Variants in ADCY2 observed in about 807,000 individuals in gnomAD.
ADCY2 encodes adenylate cyclase 2.
Under a neutral mutation model 125.2 loss-of-function variants are expected in ADCY2, and 31 were observed. The observed-to-expected ratio is 0.25, with a 90% CI of 0.19 to 0.33. The LOEUF (loss-of-function observed/expected upper bound fraction) is 0.33. Ranked by LOEUF, ADCY2 falls within the 10% of genes least tolerant of loss-of-function variation. ADCY2 has a pLI of 1.00. For missense variants in ADCY2, 904 were observed against 1,418.2 expected (o/e 0.64, Z 5.82); for synonymous variants, 512 against 548.4 (o/e 0.93, Z 0.93).
rs571869501 is a variant in ADCY2, at chr5:7,786,012, G to T, written c.2469+1563G>T. 2.0e-5 allele frequency among the ~76,000 whole-genome samples: 3 copies of T among 152,250 alleles called. No homozygotes were observed. In the South Asian group the frequency reaches 6.2e-4, roughly 32 times the overall value. ...TTGAGCACCAATTTTACACAATTGG[G>T]TTGATACCAGTCTCATAGGGAGTCA... is the stretch of plus-strand genomic sequence containing the variant. On this transcript the variant is annotated intron_variant, in intron 19 of 24. Transcript: ENST00000338316.
At chr5:7,398,241 C>T (rs1348373407) in intron 1 of ADCY2, among the ~76,000 whole-genome samples, 1 of 152,176 alleles carries the variant, frequency 6.6e-6, no homozygotes, top group Non-Finnish European at 1.5e-5. Flanking sequence ...TTCATGCTTC[C>T]TCTGCACACA....
intron 16 of ADCY2, among the ~76,000 whole-genome samples, chr5:7,760,024 G>T (rs1406460567): frequency 6.6e-6 from 1 of 152,142 alleles, no homozygotes; most frequent in Non-Finnish European, 1.5e-5. Context: ...GACAGGAGAG[G>T]CTTTCTTGAA....
intron 4 of ADCY2, among the ~76,000 whole-genome samples, chr5:7,632,481 G>C (rs188265565): frequency 6.6e-6 from 1 of 152,108 alleles, no homozygotes; most frequent in East Asian, 1.9e-4. Context: ...CCCCAGTGCA[G>C]AGGGCATAGC....
At chr5:7,664,615 G>T (rs1739651491) in intron 4 of ADCY2, among the ~76,000 whole-genome samples, 1 of 152,122 alleles carries the variant, frequency 6.6e-6, no homozygotes, top group South Asian at 2.1e-4. Flanking sequence ...GCATAACGAG[G>T]AAGAAAATCA....
At chr5:7,787,160 C>T (rs1377694500) in intron 19 of ADCY2, among the ~76,000 whole-genome samples, 1 of 152,184 alleles carries the variant, frequency 6.6e-6, no homozygotes, top group Non-Finnish European at 1.5e-5. Context: ...ATGGGAGGCT[C>T]TCGAAGCTGA....
At chr5:7,626,114 A>G in intron 3 of ADCY2, 53 bp from the exon 4 acceptor site, 1 of 1,569,392 alleles carries the variant, frequency 6.4e-7, no homozygotes, top group Admixed American at 1.9e-5. Flanking sequence ...TTTTGATTGT[A>G]TTCACAAGTG....
chr5:7,443,125 G>A (rs902455781), intron 2 of ADCY2, among the ~76,000 whole-genome samples: 14 of 152,066 alleles, frequency 9.2e-5, no homozygotes, highest in African/African-American at 3.4e-4. Flanking sequence ...AGCAGGGATG[G>A]GAATGGTGTT....
intron 17 of ADCY2, among the ~76,000 whole-genome samples, chr5:7,772,654 G>C (rs571643759): frequency 6.6e-5 from 10 of 151,592 alleles, no homozygotes; most frequent in African/African-American, 2.2e-4. Context: ...TTCCATATAA[G>C]TTTTTTTTAC....
intron 7 of ADCY2, among the ~76,000 whole-genome samples, chr5:7,705,047 A>G (rs556865834): frequency 6.6e-6 from 1 of 152,232 alleles, no homozygotes; most frequent in African/African-American, 2.4e-5. Context: ...CTCCCTTTTT[A>G]TCCTTCCTTG....
intron 2 of ADCY2, among the ~76,000 whole-genome samples, chr5:7,497,990 A>G (rs568354633): frequency 6.6e-6 from 1 of 152,270 alleles, no homozygotes; most frequent in East Asian, 1.9e-4. Flanking sequence ...ATGGGTGAAC[A>G]TTTACAGTGT....
intron 2 of ADCY2, among the ~76,000 whole-genome samples, chr5:7,491,198 A>G (rs1346762992): frequency 6.6e-6 from 1 of 152,158 alleles, no homozygotes. Context: ...ATTCTATGAT[A>G]CTCAGGATGT....
chr5:7,457,500 C>T (rs908633296), intron 2 of ADCY2, among the ~76,000 whole-genome samples: 1 of 152,156 alleles, frequency 6.6e-6, no homozygotes, highest in African/African-American at 2.4e-5. Flanking sequence ...CCTCAGAAGC[C>T]ACCTGTGCTC....
chr5:7,575,569 T>C (rs918587903), intron 3 of ADCY2, among the ~76,000 whole-genome samples: 4 of 152,154 alleles, frequency 2.6e-5, no homozygotes, highest in African/African-American at 9.7e-5. Context: ...TTATCTCTTA[T>C]TTTAAATATT....
intron 3 of ADCY2, among the ~76,000 whole-genome samples, chr5:7,562,791 G>C (rs1735751098): frequency 6.6e-6 from 1 of 152,164 alleles, no homozygotes; most frequent in Non-Finnish European, 1.5e-5. Flanking sequence ...TTTATTCTCA[G>C]TGGGTTTATG....
In ADCY2 at chr5:7,757,529, G is replaced by A. The variant is rs906602716; in HGVS notation, c.2037G>A (p.Arg679=). ...TCATTGCCAACCGCCCCTGGCCACG[G>A]ATCTCTCTCACGATCATCACCACAG... ...SGIIANRPWP[R]ISLTIITTAI... The change falls in exon 16 of 25, where the codon CGG becomes CGA. Residue 679 remains arginine (R), a synonymous_variant. Transcript: ENST00000338316. The A allele has an allele frequency of 1.9e-6, 3 of 1,613,464 alleles. No homozygotes were observed. The highest frequency in any genetic ancestry group is 1.7e-5 in the Admixed American group (1 of 59,926).
At chr5:7,499,648 G>GATATATATAT (rs70940741) in intron 2 of ADCY2, among the ~76,000 whole-genome samples, 1,271 of 118,152 alleles carry the variant, frequency 0.011, 6 homozygotes, top group Non-Finnish European at 0.014. Flanking sequence ...TATGTGGGTG[G>GATATATATAT]ATATATATAT....
In ADCY2 at chr5:7,665,828, CTTTTTTTTTTTTTTTTTT is replaced by C. The variant is rs70940750; in HGVS notation, c.721-24852_721-24835del. ...TGTTTTGTTTTTTTTTAATTTAATTCTTTTTTTTTTTTTTTTTTTTTTTTTTTTGAGACAGAATCTCGC... is the reference window on the plus strand; with the variant it reads ...TGTTTTGTTTTTTTTTAATTTAATTCTTTTTTTTTTGAGACAGAATCTCGC... On this transcript the variant is annotated intron_variant, in intron 4 of 24. Transcript: ENST00000338316. Among the ~76,000 whole-genome samples the C allele has an allele frequency of 9.6e-4, 37 of 38,636 alleles. 1 individual carries two copies. The South Asian group carries it at 0.054, about 56-fold the overall frequency. 25.3% of individuals were successfully genotyped at this position (38,636 alleles called of 152,430 possible). A position where few individuals can be genotyped will look rare whatever the true frequency, so the allele number is the denominator to read the frequency against.
chr5:7,696,602 C>T (rs1414410292), intron 6 of ADCY2, among the ~76,000 whole-genome samples: 1 of 152,180 alleles, frequency 6.6e-6, no homozygotes, highest in Non-Finnish European at 1.5e-5. Context: ...TTCCCAGCAA[C>T]AACAAAAATG....
chr5:7,672,055 C>G (rs1046829994), intron 4 of ADCY2, among the ~76,000 whole-genome samples: 1 of 152,146 alleles, frequency 6.6e-6, no homozygotes, highest in Non-Finnish European at 1.5e-5. Context: ...TAAATTCAGA[C>G]GTGGCCAGGT....
Sources: gnomAD v4.1 joint callset for allele counts (sites outside exome capture counted in the v4.1 genomes callset) on GRCh38, gnomAD v4.1.1 for gene constraint, MANE v1.5 for transcripts, NCBI Gene and HGNC (gene_info 2026-07-23, HGNC 2026-07-21) for gene names.